Variants in ARIH1 observed in about 807,000 individuals in gnomAD.
The protein encoded by ARIH1 is E3 ubiquitin-protein ligase ARIH1.
In ARIH1, 8 loss-of-function variants were observed where a neutral mutation model predicts 85.0. The ratio of observed to expected loss-of-function variants is 0.09; its 90% confidence interval spans 0.06 to 0.17. ARIH1 has a LOEUF of 0.17. ARIH1 is among the 10% of genes least tolerant of loss of function. ARIH1 has a pLI of 1.00. For missense variants in ARIH1, 311 were observed against 718.1 expected, an observed-to-expected ratio of 0.43 and a Z score of 6.48; for synonymous variants, 238 against 253.6, an observed-to-expected ratio of 0.94 and a Z score of 0.59.
chr15:72,511,540 G>A (rs1271091376), intron 1 of ARIH1, among the ~76,000 whole-genome samples: 2 of 151,936 alleles, frequency 1.3e-5, no homozygotes, highest in Non-Finnish European at 2.9e-5. Flanking sequence ...CCTCACCTCA[G>A]GTGATCCACA....
At chr15:72,516,447 A>G (rs1212592765) in intron 1 of ARIH1, among the ~76,000 whole-genome samples, 1 of 152,130 alleles carries the variant, frequency 6.6e-6, no homozygotes, top group Admixed American at 6.6e-5. Flanking sequence ...GTTTTACATC[A>G]CATTTCTAAG....
intron 1 of ARIH1, among the ~76,000 whole-genome samples, chr15:72,488,072 G>A (rs2063844355): frequency 6.6e-6 from 1 of 151,834 alleles, no homozygotes; most frequent in Non-Finnish European, 1.5e-5. Context: ...TTTTTGCTCT[G>A]TTGCTCAGGC....
intron 2 of ARIH1, among the ~76,000 whole-genome samples, chr15:72,541,202 A>G (rs554571702): frequency 1.3e-5 from 2 of 152,308 alleles, no homozygotes; most frequent in South Asian, 2.1e-4. Context: ...TCTTTGAAAC[A>G]TATGGCTAGT....
rs1595845215 is a variant in ARIH1 at position 72,474,785 on chromosome 15, A to G, written c.146A>G (p.Glu49Gly). 2 of 1,514,734 alleles carry G rather than the reference A, an allele frequency of 1.3e-6. No homozygotes were observed. The highest frequency in any genetic ancestry group is 1.8e-6 in the Non-Finnish European group (2 of 1,128,370). The allele number at this position is 1,514,734 out of a possible 1,614,324, so 93.8% of individuals were successfully genotyped here. A position where few individuals can be genotyped will look rare whatever the true frequency, so the allele number is the denominator to read the frequency against. Residue 49 changes from glutamate (E) to glycine (G), a missense_variant, in exon 1 of 14, where the codon GAG (glutamate) becomes GGG (glycine). Physicochemically the swap from Glu to Gly is moderately conservative, Grantham distance 98 (BLOSUM62 -2). Coordinates refer to ENST00000379887, the MANE Select transcript of ARIH1 (RefSeq NM_005744.5). ...GATCTGGGCGAGGTGGAGCTGGTGG[A>G]GCCCGGGCTGGGCGTCGGCGGGGAG... The part of the protein sequence containing the change: ...TLDLGEVELV[E>G]PGLGVGGERD...
chr15:72,510,300 G>T lies in ARIH1; in HGVS notation c.376-7767G>T, dbSNP rs190149538. Among the ~76,000 whole-genome samples the T allele has an allele frequency of 4.1e-3, 624 of 152,136 alleles. 1 individual carries two copies. The highest frequency in any genetic ancestry group is 5.7e-3 in the Non-Finnish European group (387 of 68,000). ...TATCTTTTACTTTCGATGGATTTCA[G>T]TGTATCCGTTTTCTCTAATGGATTG... On this transcript the variant is annotated intron_variant, in intron 1 of 13. Coordinates refer to ENST00000379887, the MANE Select transcript of ARIH1 (RefSeq NM_005744.5).
intron 2 of ARIH1, 28 bp downstream of exon 2, chr15:72,518,162 C>T (rs370395479): frequency 3.2e-6 from 5 of 1,553,128 alleles, no homozygotes; most frequent in Non-Finnish European, 4.4e-6. Flanking sequence ...CAGCTTTGTA[C>T]TTAGAAGTAA....
chr15:72,478,002 C>G (rs2063801319), intron 1 of ARIH1, among the ~76,000 whole-genome samples: 1 of 152,158 alleles, frequency 6.6e-6, no homozygotes, highest in South Asian at 2.1e-4. Flanking sequence ...TACAGGGTTT[C>G]CCCATGTTCA....
intron 1 of ARIH1, among the ~76,000 whole-genome samples, chr15:72,499,993 T>C (rs2063896039): frequency 6.6e-6 from 1 of 152,226 alleles, no homozygotes; most frequent in South Asian, 2.1e-4. Context: ...ACTTGATTGC[T>C]AGATTGGCTA....
In ARIH1 at chr15:72,539,593, G is replaced by A. The variant is rs367789509; in HGVS notation, c.444-5227G>A. On this transcript the variant is annotated intron_variant, in intron 2 of 13. Coordinates refer to ENST00000379887, the MANE Select transcript of ARIH1 (RefSeq NM_005744.5). ...GAAGTAAGTAGCAACTGGTAAACAT[G>A]GAGGACAAATTAAGAGACTGGATGC... Among the ~76,000 whole-genome samples the A allele has an allele frequency of 5.3e-5, 8 of 152,272 alleles. No individual in the cohort carries two copies. The South Asian group carries it at 1.0e-3, about 20-fold the overall frequency.
At chr15:72,559,871 T>G (rs2064190512) in intron 5 of ARIH1, among the ~76,000 whole-genome samples, 1 of 152,230 alleles carries the variant, frequency 6.6e-6, no homozygotes, top group Non-Finnish European at 1.5e-5. Context: ...TTACTCCTTT[T>G]CATTGCTGAA....
In ARIH1 at chr15:72,582,071, A is replaced by T; in HGVS notation, c.1477-4A>T. The T allele has an allele frequency of 6.3e-7, 1 of 1,587,818 alleles. No individual in the cohort carries two copies. Among genetic ancestry groups the T allele is most frequent in the Non-Finnish European group, 8.6e-7 (1 of 1,167,302 alleles). ...GCCAAAATTTACTTTCATTCTTCTTACAGAATAACCAAGCAGATCTAGAGA... is the reference window on the plus strand; with the variant it reads ...GCCAAAATTTACTTTCATTCTTCTTTCAGAATAACCAAGCAGATCTAGAGA... On this transcript the variant is annotated splice_region_variant and splice_polypyrimidine_tract_variant and intron_variant, in intron 12 of 13. Coordinates refer to ENST00000379887, the MANE Select transcript of ARIH1 (RefSeq NM_005744.5). The surrounding 1 kb of genome is among the most constrained non-coding windows in gnomAD (Gnocchi z 4.6).
intron 9 of ARIH1, among the ~76,000 whole-genome samples, chr15:72,569,444 C>T (rs2064234376): frequency 6.6e-6 from 1 of 152,138 alleles, no homozygotes; most frequent in African/African-American, 2.4e-5. Flanking sequence ...CCAGTAGCCA[C>T]AAAATGAATT....
intron 2 of ARIH1, among the ~76,000 whole-genome samples, chr15:72,518,355 G>A (rs2063984081): frequency 1.4e-5 from 1 of 72,668 alleles, no homozygotes; most frequent in South Asian, 9.9e-4. Context: ...TTATTTGGGA[G>A]TATGTGTGTT....
At chr15:72,525,215 A>G (rs537460430) in intron 2 of ARIH1, among the ~76,000 whole-genome samples, 1 of 152,366 alleles carries the variant, frequency 6.6e-6, no homozygotes, top group East Asian at 1.9e-4. Context: ...TCTCCTAAGA[A>G]TGCAAGAATA....
chr15:72,586,401 A>C lies in ARIH1; in HGVS notation c.*3109A>C, dbSNP rs2064317089. The C allele has an allele frequency of 6.6e-6, 1 of 152,158 alleles. No individual in the cohort carries two copies. The highest frequency in any genetic ancestry group is 1.5e-5 in the Non-Finnish European group (1 of 68,020). 9.4% of individuals were successfully genotyped at this position (152,158 alleles called of 1,614,324 possible). A position where few individuals can be genotyped will look rare whatever the true frequency, so the allele number is the denominator to read the frequency against. On this transcript the variant is annotated 3_prime_UTR_variant, in exon 14 of 14. Transcript: ENST00000379887. ...GGTTGGTGAGACAATCAGAATGGTA[A>C]ATTGATTAAATGCTCCTAACCCTGT...
In ARIH1 at chr15:72,599,189, A is replaced by AT. The variant is rs1437918654; in HGVS notation, c.*15902dup. On this transcript the variant is annotated 3_prime_UTR_variant, in exon 14 of 14. Coordinates refer to ENST00000379887, the MANE Select transcript of ARIH1 (RefSeq NM_005744.5). ...AGGCGCCCGCCACCACACCCAGCTA[A>AT]TTTTTGTATTTTTAGTAGAGACAGG... The AT allele has an allele frequency of 3.3e-5, 5 of 151,970 alleles. No homozygotes were observed. Among genetic ancestry groups the AT allele is most frequent in the Admixed American group, 3.3e-4 (5 of 15,264 alleles). 9.4% of individuals were successfully genotyped at this position (151,970 alleles called of 1,614,324 possible).
intron 1 of ARIH1, among the ~76,000 whole-genome samples, chr15:72,514,694 A>G (rs958413318): frequency 6.8e-6 from 1 of 146,976 alleles, no homozygotes; most frequent in Admixed American, 6.9e-5. Flanking sequence ...ACAAAGCAAG[A>G]CCTTGTCTTA....
chr15:72,498,615 C>T (rs2063889763), intron 1 of ARIH1, among the ~76,000 whole-genome samples: 2 of 152,136 alleles, frequency 1.3e-5, no homozygotes, highest in Non-Finnish European at 2.9e-5. Context: ...GAGGCTGAGG[C>T]GGTGGATCAC....
At chr15:72,550,634 C>G (rs984908604) in intron 3 of ARIH1, among the ~76,000 whole-genome samples, 1 of 152,042 alleles carries the variant, frequency 6.6e-6, no homozygotes, top group Admixed American at 6.6e-5. Context: ...ACATGTCATT[C>G]TTTCAGTAAA....
Sources: gnomAD v4.1 joint callset for allele counts (sites outside exome capture counted in the v4.1 genomes callset) on GRCh38, gnomAD v4.1.1 for gene constraint, Gnocchi (gnomAD v3.1) non-coding constraint, MANE v1.5 for transcripts, NCBI Gene and HGNC (gene_info 2026-07-23, HGNC 2026-07-21) for gene names.